ERICH1: variants seen among roughly 807,000 people sequenced by gnomAD.
ERICH1 encodes the protein glutamate-rich protein 1.
ERICH1 carries 56 observed loss-of-function variants against 39.6 expected under a neutral mutation model. The observed-to-expected ratio is 1.41, with a 90% CI of 1.14 to 1.77. The LOEUF is 1.77. ERICH1 is among the 40% of genes most tolerant of loss of function. The pLI, the probability that ERICH1 is intolerant of heterozygous loss-of-function variation, is 0.00. For synonymous variants in ERICH1, 313 were observed against 223.6 expected, an observed-to-expected ratio of 1.40 and a Z score of -3.57; for missense variants, 826 against 575.4, an observed-to-expected ratio of 1.44 and a Z score of -4.45.
chr8:694,207 G>A (rs1461231127), intron 2 of ERICH1, among the ~76,000 whole-genome samples: 3 of 152,160 alleles, frequency 2.0e-5, no homozygotes, highest in Non-Finnish European at 2.9e-5. Flanking sequence ...TCTCTCGAGG[G>A]TAGGGTGCCG....
intron 2 of ERICH1, among the ~76,000 whole-genome samples, chr8:713,882 C>T (rs1255486456): frequency 2.6e-5 from 4 of 152,182 alleles, no homozygotes; most frequent in Non-Finnish European, 4.4e-5. Flanking sequence ...CACCCAGGAA[C>T]CCACGTCTGG....
At chr8:720,740 T>G (rs1461829709) in intron 1 of ERICH1, among the ~76,000 whole-genome samples, 1 of 152,222 alleles carries the variant, frequency 6.6e-6, no homozygotes, top group South Asian at 2.1e-4. Flanking sequence ...TAAACTGGTT[T>G]AAGTATCATG....
intron 3 of ERICH1, among the ~76,000 whole-genome samples, chr8:630,039 C>A (rs1183325707): frequency 3.8e-5 from 4 of 105,420 alleles, no homozygotes; most frequent in African/African-American, 1.7e-4. Flanking sequence ...CCTCCCGTGA[C>A]CACCCACACA....
intron 2 of ERICH1, among the ~76,000 whole-genome samples, chr8:694,289 A>G (rs1041517835): frequency 2.6e-5 from 4 of 152,230 alleles, no homozygotes; most frequent in African/African-American, 9.6e-5. Flanking sequence ...GCCGGAGCCA[A>G]GGGCAGATGG....
intron 3 of ERICH1, among the ~76,000 whole-genome samples, chr8:650,064 C>G (rs562786628): frequency 6.6e-6 from 1 of 152,346 alleles, no homozygotes; most frequent in African/African-American, 2.4e-5. Flanking sequence ...CTGCTCTCGG[C>G]TTTCGTGCCG....
At chr8:726,241 T>C (rs1337809632) in intron 1 of ERICH1, among the ~76,000 whole-genome samples, 1 of 152,194 alleles carries the variant, frequency 6.6e-6, no homozygotes, top group Non-Finnish European at 1.5e-5. Context: ...CACAGGCAAG[T>C]TGCAGGGTAC....
At chr8:615,551 G>A (rs1239720794) in intron 3 of ERICH1, 2 of 383,590 alleles carry the variant, frequency 5.2e-6, no homozygotes, top group Non-Finnish European at 9.2e-6. Flanking sequence ...GATTACGGAG[G>A]TGATGGCTGC....
At chr8:665,291 C>T (rs1464860662) in intron 5 of ERICH1, among the ~76,000 whole-genome samples, 1 of 152,228 alleles carries the variant, frequency 6.6e-6, no homozygotes, top group East Asian at 1.9e-4. Flanking sequence ...CCCACTGGTC[C>T]CCGGCTCCAA....
intron 3 of ERICH1, among the ~76,000 whole-genome samples, chr8:632,946 G>A (rs975467538): frequency 5.9e-5 from 9 of 152,232 alleles, no homozygotes; most frequent in African/African-American, 1.4e-4. Context: ...GCAAAGAGCC[G>A]TTTAGGCAAA....
chr8:649,526 G>C (rs1437058291), intron 3 of ERICH1, among the ~76,000 whole-genome samples: 1 of 151,886 alleles, frequency 6.6e-6, no homozygotes, highest in African/African-American at 2.4e-5. Flanking sequence ...CCTGGGCCCC[G>C]GGGGGAAGAT....
rs185077657 is a variant in ERICH1, at chr8:686,031, G to A, written c.304+6447C>T. On this transcript the variant is annotated intron_variant, in intron 3 of 5. Transcript: ENST00000262109. ...AAAAAATAGCTTGGTGTAGTGGTGC[G>A]CACCTGTGGTCCCAGCTTCTCGGGA... Among the ~76,000 whole-genome samples, 663 of 150,028 alleles carry A rather than the reference G, an allele frequency of 4.4e-3. 8 individuals are homozygous for A. The highest frequency in any genetic ancestry group is 0.013 in the African/African-American group (534 of 40,834).
chr8:719,315 T>G (rs1386434577), intron 1 of ERICH1, among the ~76,000 whole-genome samples: 1 of 152,230 alleles, frequency 6.6e-6, no homozygotes, highest in Non-Finnish European at 1.5e-5. Flanking sequence ...TCTCCCATTT[T>G]CCTTGTACTC....
intron 3 of ERICH1, among the ~76,000 whole-genome samples, chr8:635,341 A>G (rs1381711801): frequency 6.6e-6 from 1 of 152,168 alleles, no homozygotes; most frequent in Non-Finnish European, 1.5e-5. Context: ...GGTATAACGG[A>G]TAAACGCCAA....
chr8:696,291 T>C (rs112089343), intron 2 of ERICH1, among the ~76,000 whole-genome samples: 445 of 12,716 alleles, frequency 0.035, 7 homozygotes, highest in African/African-American at 0.053. Context: ...CTCTCACCCT[T>C]CACTCCTCTC....
intron 3 of ERICH1, among the ~76,000 whole-genome samples, chr8:651,551 G>C (rs899508602): frequency 6.6e-6 from 1 of 152,164 alleles, no homozygotes; most frequent in Non-Finnish European, 1.5e-5. Flanking sequence ...GAACCTGGGA[G>C]TCCACGAAGT....
intron 3 of ERICH1, among the ~76,000 whole-genome samples, chr8:636,553 G>A (rs1019684436): frequency 4.6e-5 from 7 of 152,270 alleles, no homozygotes; most frequent in African/African-American, 1.4e-4. Flanking sequence ...ACGGAGGCCT[G>A]TGCACTGAGC....
intron 3 of ERICH1, among the ~76,000 whole-genome samples, chr8:688,703 A>G (rs1331693047): frequency 6.6e-6 from 1 of 152,234 alleles, no homozygotes; most frequent in South Asian, 2.1e-4. Context: ...GGGGAAAGGT[A>G]GTAACTACCA....
At chr8:656,310 TGTGGGGTAAGGTGAGGC>T (rs1342851826) in intron 3 of ERICH1, among the ~76,000 whole-genome samples, 2 of 152,224 alleles carry the variant, frequency 1.3e-5, no homozygotes, top group African/African-American at 4.8e-5. Flanking sequence ...GCAAGTCACC[TGTGGGGTAAGGTGAGGC>T]TTCGGGACTC....
intron 2 of ERICH1, among the ~76,000 whole-genome samples, chr8:701,170 T>G (rs981575256): frequency 4.2e-4 from 64 of 152,392 alleles, no homozygotes; most frequent in Admixed American, 4.1e-3. Context: ...TGGACGGGTC[T>G]GCCCCGCCAG....
Sources: gnomAD v4.1 joint callset for allele counts (sites outside exome capture counted in the v4.1 genomes callset) on GRCh38, gnomAD v4.1.1 for gene constraint, MANE v1.5 for transcripts, NCBI Gene and HGNC (gene_info 2026-07-23, HGNC 2026-07-21) for gene names.